The following GMDS variants were observed in gnomAD, a reference collection of about 807,000 sequenced individuals.
GMDS encodes the protein GDP-mannose 4,6 dehydratase.
In GMDS, 20 loss-of-function variants were observed where a neutral mutation model predicts 49.9. The observed-to-expected ratio is 0.40, with a 90% confidence interval of 0.28 to 0.58. The LOEUF is 0.58. Among genes scored for constraint, GMDS ranks in the 20% least tolerant of loss-of-function variants. GMDS has a pLI of 0.42. For synonymous variants in GMDS, 177 were observed against 178.6 expected, an observed-to-expected ratio of 0.99 and a Z score of 0.07; for missense variants, 362 against 481.4, an observed-to-expected ratio of 0.75 and a Z score of 2.32.
chr6:1,934,095 T>C (rs938545986), intron 6 of GMDS, among the ~76,000 whole-genome samples: 1 of 152,270 alleles, frequency 6.6e-6, no homozygotes, highest in Non-Finnish European at 1.5e-5. Flanking sequence ...ATTTGCATGT[T>C]GACATCCAGC....
chr6:1,870,734 T>C (rs754008658), intron 7 of GMDS, among the ~76,000 whole-genome samples: 8 of 152,194 alleles, frequency 5.3e-5, no homozygotes, highest in Non-Finnish European at 8.8e-5. Flanking sequence ...AGATGTCACT[T>C]AGAAATAATA....
chr6:2,082,942 C>T (rs916286928), intron 4 of GMDS, among the ~76,000 whole-genome samples: 7 of 152,204 alleles, frequency 4.6e-5, no homozygotes, highest in Non-Finnish European at 1.0e-4. Context: ...GGATTCAAAC[C>T]TATTCATTCT....
intron 7 of GMDS, among the ~76,000 whole-genome samples, chr6:1,749,330 G>T (rs1767633908): frequency 6.6e-6 from 1 of 152,126 alleles, no homozygotes; most frequent in South Asian, 2.1e-4. Flanking sequence ...GCTCACACCT[G>T]CAATCTTAGC....
chr6:2,144,768 G>A (rs982000700), intron 1 of GMDS, among the ~76,000 whole-genome samples: 1 of 152,114 alleles, frequency 6.6e-6, no homozygotes. Context: ...TAATACACCA[G>A]ACTACCTGAC....
chr6:1,824,279 C>A (rs1309329893), intron 7 of GMDS, among the ~76,000 whole-genome samples: 1 of 152,148 alleles, frequency 6.6e-6, no homozygotes, highest in Non-Finnish European at 1.5e-5. Flanking sequence ...TCTGCAAATG[C>A]AACATATCTC....
chr6:2,134,114 C>G (rs1775875322), intron 1 of GMDS, among the ~76,000 whole-genome samples: 1 of 152,204 alleles, frequency 6.6e-6, no homozygotes, highest in South Asian at 2.1e-4. Context: ...GTGCAGCTGT[C>G]TTCCAGTGTC....
At chr6:2,045,076 C>T (rs960265336) in intron 4 of GMDS, among the ~76,000 whole-genome samples, 46 of 152,128 alleles carry the variant, frequency 3.0e-4, no homozygotes, top group African/African-American at 1.1e-3. Context: ...TGTTTTGTAA[C>T]TGTTATTTCT....
intron 7 of GMDS, among the ~76,000 whole-genome samples, chr6:1,774,570 A>G (rs149666445): frequency 6.6e-6 from 1 of 152,358 alleles, no homozygotes; most frequent in East Asian, 1.9e-4. Flanking sequence ...GTAAATGTGC[A>G]GACACACAGA....
chr6:2,224,989 C>A (rs1337478244), intron 1 of GMDS, among the ~76,000 whole-genome samples: 1 of 151,724 alleles, frequency 6.6e-6, no homozygotes, highest in East Asian at 2.0e-4. Flanking sequence ...TTTGAACGCA[C>A]GTACGTCCAC....
intron 4 of GMDS, among the ~76,000 whole-genome samples, chr6:2,102,463 C>T (rs1183286871): frequency 6.6e-6 from 1 of 152,122 alleles, no homozygotes; most frequent in Admixed American, 6.5e-5. Context: ...GATTTGCCTG[C>T]TTGAGACACG....
At chr6:2,194,995 T>TA (rs1306911876) in intron 1 of GMDS, among the ~76,000 whole-genome samples, 1 of 152,208 alleles carries the variant, frequency 6.6e-6, no homozygotes, top group African/African-American at 2.4e-5. Context: ...TGTACTTTGC[T>TA]AAAAAGAAAA....
rs1013191075 is a variant in GMDS at position 1,684,833 on chromosome 6, G to T, written c.987+41583C>A. 4.6e-5 allele frequency among the ~76,000 whole-genome samples: 7 copies of T among 152,196 alleles called. No individual in the cohort carries two copies. In the East Asian group the frequency reaches 1.2e-3, roughly 25 times the overall value. ...AAATTATACCTCATTAAAGCTGGGG[G>T]TTAAACCGAGTCCAGCACCTGGCAC... is the stretch of plus-strand genomic sequence containing the variant. On this transcript the variant is annotated intron_variant, in intron 9 of 10. Transcript: ENST00000380815.
At chr6:1,805,069 T>C (rs1482080291) in intron 7 of GMDS, among the ~76,000 whole-genome samples, 1 of 152,224 alleles carries the variant, frequency 6.6e-6, no homozygotes, top group Non-Finnish European at 1.5e-5. Flanking sequence ...ACCTGCTTTA[T>C]TTCATTTTTG....
intron 7 of GMDS, among the ~76,000 whole-genome samples, chr6:1,822,807 T>G (rs1770951806): frequency 6.6e-6 from 1 of 152,206 alleles, no homozygotes; most frequent in South Asian, 2.1e-4. Context: ...CGCCTATATT[T>G]TAAATATTTC....
At chr6:1,929,901 C>T (rs991663647) in intron 7 of GMDS, among the ~76,000 whole-genome samples, 1 of 152,204 alleles carries the variant, frequency 6.6e-6, no homozygotes, top group African/African-American at 2.4e-5. Context: ...AAGTACCATT[C>T]AGTGTAAGCT....
chr6:2,034,703 TG>T (rs1207724485), intron 4 of GMDS, among the ~76,000 whole-genome samples: 1 of 152,252 alleles, frequency 6.6e-6, no homozygotes, highest in Non-Finnish European at 1.5e-5. Context: ...AAGACACTTC[TG>T]GGGTGTCTGC....
intron 7 of GMDS, among the ~76,000 whole-genome samples, chr6:1,867,826 A>T (rs139599850): frequency 1.3e-5 from 2 of 152,348 alleles, no homozygotes; most frequent in East Asian, 3.9e-4. Context: ...TAAAGAAAAC[A>T]CACATTGAGG....
At position 2,110,579 on chromosome 6, in the gene GMDS, G is replaced by A. The variant is rs367600865; in HGVS notation, c.345+5192C>T. ...TGGCATCCCAAGCTTGAAGTCCCAC[G>A]TGGAGGAGTGTTCAGACTCAACCCC... On this transcript the variant is annotated intron_variant, in intron 4 of 10. Coordinates refer to ENST00000380815, the MANE Select transcript of GMDS (RefSeq NM_001500.4). Among the ~76,000 whole-genome samples, 15 of 152,172 alleles carry A rather than the reference G, an allele frequency of 9.9e-5. No individual in the cohort carries two copies. The East Asian group carries it at 1.9e-3, about 20-fold the overall frequency.
intron 7 of GMDS, among the ~76,000 whole-genome samples, chr6:1,774,827 G>T (rs1338022269): frequency 5.9e-5 from 9 of 152,182 alleles, no homozygotes; most frequent in Non-Finnish European, 1.2e-4. Flanking sequence ...TGTAACTTCA[G>T]GGATCAGAAG....
Sources: gnomAD v4.1 joint callset for allele counts (sites outside exome capture counted in the v4.1 genomes callset) on GRCh38, gnomAD v4.1.1 for gene constraint, MANE v1.5 for transcripts, NCBI Gene and HGNC (gene_info 2026-07-23, HGNC 2026-07-21) for gene names.